ZNF292: variants seen among roughly 807,000 people sequenced by gnomAD.
The protein encoded by ZNF292 is 16 zinc-finger domain protein.
In ZNF292, 26 loss-of-function variants were observed where a neutral mutation model predicts 217.9. The observed-to-expected ratio is 0.12, with a 90% confidence interval of 0.09 to 0.17. The LOEUF (loss-of-function observed/expected upper bound fraction) is 0.17, where lower values mean the gene tolerates loss of function less well. Among genes scored for constraint, ZNF292 ranks in the 10% least tolerant of loss-of-function variants. ZNF292 has a pLI of 1.00. For synonymous variants in ZNF292, 1,257 were observed against 1,124.1 expected, an observed-to-expected ratio of 1.12 and a Z score of -2.37; for missense variants, 2,904 against 3,175.2, an observed-to-expected ratio of 0.91 and a Z score of 2.05.
rs536144325 is a variant in ZNF292 at position 87,264,481 on chromosome 6, T to G, written c.*2680T>G. ...GCAGTCACAGTTGCTGTAGATAATA[T>G]GAAAGTACAATAATACTATACCTAG... On this transcript the variant is annotated 3_prime_UTR_variant, in exon 8 of 8. Transcript: ENST00000369577. Among the ~76,000 whole-genome samples, 15 of 152,328 alleles carry G rather than the reference T, an allele frequency of 9.8e-5. No individual in the cohort carries two copies. Among genetic ancestry groups the G allele is most frequent in the African/African-American group, 3.4e-4 (14 of 41,574 alleles).
chr6:87,177,759 T>C (rs949457721), intron 1 of ZNF292, among the ~76,000 whole-genome samples: 11 of 152,246 alleles, frequency 7.2e-5, no homozygotes, highest in Admixed American at 1.3e-4. Context: ...AGGATAATAG[T>C]CATATCTACT....
chr6:87,186,917 A>G (rs1026312790), intron 1 of ZNF292, among the ~76,000 whole-genome samples: 1 of 152,174 alleles, frequency 6.6e-6, no homozygotes, highest in African/African-American at 2.4e-5. Flanking sequence ...TTTTCCTCCA[A>G]CTACTCACGT....
chr6:87,223,639 A>G (rs1013719894), intron 4 of ZNF292: 12 of 152,058 alleles, frequency 7.9e-5, no homozygotes, highest in Admixed American at 2.6e-4. Context: ...TTATATTAGT[A>G]TGGCCTTATA....
chr6:87,213,834 C>T (rs548973385), intron 1 of ZNF292: 16 of 152,260 alleles, frequency 1.1e-4, no homozygotes, highest in African/African-American at 3.9e-4. Flanking sequence ...TGAAGAGAAA[C>T]TTGGGGTTCA....
chr6:87,229,760 T>C (rs1773553649), intron 4 of ZNF292, among the ~76,000 whole-genome samples: 1 of 152,172 alleles, frequency 6.6e-6, no homozygotes, highest in Admixed American at 6.5e-5. Flanking sequence ...AGAATACAAA[T>C]TAAGTATTTT....
intron 6 of ZNF292, 85 bp downstream of exon 6, chr6:87,243,696 A>G: frequency 8.2e-7 from 1 of 1,218,838 alleles, no homozygotes; most frequent in Non-Finnish European, 1.1e-6. Flanking sequence ...ACTTAGGAAC[A>G]TAATTTAAAA....
At chr6:87,210,829 G>A (rs1399407574) in intron 1 of ZNF292, among the ~76,000 whole-genome samples, 1 of 152,060 alleles carries the variant, frequency 6.6e-6, no homozygotes, top group Non-Finnish European at 1.5e-5. Flanking sequence ...AGCACCCACA[G>A]AGCCTGTGTC....
At chr6:87,197,025 A>G (rs2127786758) in intron 1 of ZNF292, among the ~76,000 whole-genome samples, 1 of 152,356 alleles carries the variant, frequency 6.6e-6, no homozygotes, top group East Asian at 1.9e-4. Flanking sequence ...TCAGTGTGAT[A>G]GAGCAACAGA....
At chr6:87,234,842 T>C (rs929988271) in intron 5 of ZNF292, among the ~76,000 whole-genome samples, 3 of 152,096 alleles carry the variant, frequency 2.0e-5, no homozygotes, top group African/African-American at 7.2e-5. Context: ...CAGTGCCACA[T>C]GAGGTTTGTA....
At chr6:87,161,491 C>T (rs1048510143) in intron 1 of ZNF292, among the ~76,000 whole-genome samples, 5 of 152,224 alleles carry the variant, frequency 3.3e-5, no homozygotes, top group Non-Finnish European at 5.9e-5. Context: ...GACACAGTCA[C>T]GGCTCACTGC....
chr6:87,244,963 G>A (rs750673814), intron 6 of ZNF292, among the ~76,000 whole-genome samples: 1 of 151,974 alleles, frequency 6.6e-6, no homozygotes, highest in Non-Finnish European at 1.5e-5. Context: ...AATGCTGGCC[G>A]GGCACAGTGG....
At position 87,215,976 on chromosome 6, in the gene ZNF292, C is replaced by T; in HGVS notation, c.242C>T (p.Ala81Val). The T allele has an allele frequency of 6.3e-7, 1 of 1,592,720 alleles. No individual in the cohort carries two copies. The highest frequency in any genetic ancestry group is 8.5e-7 in the Non-Finnish European group (1 of 1,174,160). Residue 81 changes from alanine (A) to valine (V), a missense_variant, in exon 2 of 8, where the codon GCT becomes GTT. By Grantham distance (64) the Ala-to-Val change is moderately conservative. This residue lies in a region of ZNF292 where 313 missense variants were observed against 451.0 expected (regional missense o/e 0.69). Transcript: ENST00000369577. ...PLPLLEVYTV[A>V]IQSYVKARPY... ...CCTTTATTGGAGGTATACACAGTGG[C>T]TATCCAAAGTTATGTTAAAGCCCGA...
rs779042164 is a variant in ZNF292 at position 87,256,209 on chromosome 6, C to T, written c.2580C>T (p.Asn860=). Residue 860 remains asparagine (N), a synonymous_variant, in exon 8 of 8, where the codon AAC becomes AAT. Coordinates refer to ENST00000369577, the MANE Select transcript of ZNF292 (RefSeq NM_015021.3). ...DSIQPSEVNQ[N]TAENIEKERS... is the part of the protein sequence containing the mutation. The stretch of plus-strand genomic sequence containing the variant: ...TTCAGCCTTCTGAAGTGAATCAGAA[C>T]ACAGCAGAGAATATTGAGAAAGAAA... 1 of 1,613,850 alleles carries T rather than the reference C, an allele frequency of 6.2e-7. No homozygotes were observed. The highest frequency in any genetic ancestry group is 8.5e-7 in the Non-Finnish European group (1 of 1,179,848).
chr6:87,235,027 G>A (rs1773834206), intron 5 of ZNF292, among the ~76,000 whole-genome samples: 1 of 152,260 alleles, frequency 6.6e-6, no homozygotes, highest in Non-Finnish European at 1.5e-5. Context: ...ACCATGGTCT[G>A]TAGCCTAGGA....
intron 1 of ZNF292, among the ~76,000 whole-genome samples, chr6:87,196,082 T>C (rs1771947600): frequency 6.6e-6 from 1 of 152,108 alleles, no homozygotes; most frequent in Non-Finnish European, 1.5e-5. Context: ...TTTCTATTTG[T>C]AAAAAGCTTA....
At position 87,260,869 on chromosome 6, in the gene ZNF292, A is replaced by C; in HGVS notation, c.7240A>C (p.Lys2414Gln). 6.2e-7 allele frequency: 1 copy of C among 1,610,448 alleles called. No individual in the cohort carries two copies. Reference protein sequence around the residue: ...IRHYKCHKLSKAFTSQHRNLL... With the variant: ...IRHYKCHKLSQAFTSQHRNLL... Reference sequence around the variant, plus strand: ...ACATTATAAGTGCCATAAATTATCTAAGGCATTTACATCACAACACCGAAA... The same window carrying C: ...ACATTATAAGTGCCATAAATTATCTCAGGCATTTACATCACAACACCGAAA... The change falls in exon 8 of 8, where the codon AAG becomes CAG. Residue 2414 changes from lysine (K) to glutamine (Q), a missense_variant. Coordinates refer to ENST00000369577, the MANE Select transcript of ZNF292 (RefSeq NM_015021.3).
At chr6:87,206,296 A>G (rs1269864485) in intron 1 of ZNF292, among the ~76,000 whole-genome samples, 1 of 152,136 alleles carries the variant, frequency 6.6e-6, no homozygotes, top group Admixed American at 6.5e-5. Context: ...GGAAACAAGG[A>G]GAGGTGAAGA....
chr6:87,260,225 T>C lies in ZNF292; in HGVS notation c.6596T>C (p.Met2199Thr). The C allele has an allele frequency of 6.2e-7, 1 of 1,613,642 alleles. No homozygotes were observed. Among genetic ancestry groups the C allele is most frequent in the East Asian group, 2.2e-5 (1 of 44,880 alleles). The change falls in exon 8 of 8, where the codon ATG becomes ACG. Residue 2199 changes from methionine to threonine, a missense_variant. Met to Thr is a moderately conservative substitution (Grantham distance 81). Around this residue, in one of 15 missense-constraint regions of ZNF292, gnomAD observed 261 missense variants for 272.8 expected, o/e 0.96. Coordinates refer to ENST00000369577, the MANE Select transcript of ZNF292 (RefSeq NM_015021.3). Reference protein sequence around the residue: ...LIQHYMKLHEMTPEEIESMTA... With the variant: ...LIQHYMKLHETTPEEIESMTA... ...CAACACTACATGAAACTTCATGAAATGACTCCTGAAGAAATTGAAAGTATG... is the reference window on the plus strand; with the variant it reads ...CAACACTACATGAAACTTCATGAAACGACTCCTGAAGAAATTGAAAGTATG...
chr6:87,157,163 A>G (rs114860024), intron 1 of ZNF292, among the ~76,000 whole-genome samples: 211 of 152,260 alleles, frequency 1.4e-3, no homozygotes, highest in African/African-American at 4.8e-3. Context: ...AAATTATTTG[A>G]TGGCTGTTCA....
Sources: gnomAD v4.1 joint callset for allele counts (sites outside exome capture counted in the v4.1 genomes callset) on GRCh38, gnomAD v4.1.1 for gene constraint, gnomAD v4.1.1 regional missense constraint, MANE v1.5 for transcripts, NCBI Gene and HGNC (gene_info 2026-07-23, HGNC 2026-07-21) for gene names.